The following RRP15 variants were observed in gnomAD, a reference collection of about 807,000 sequenced individuals.
RRP15 encodes the protein ribosomal RNA processing 15 homolog.
RRP15 carries 18 observed loss-of-function variants against 27.1 expected under a neutral mutation model. The ratio of observed to expected loss-of-function variants is 0.66; its 90% CI spans 0.46 to 0.98. The LOEUF (loss-of-function observed/expected upper bound fraction) is 0.98. RRP15 is among the 50% of genes least tolerant of loss of function. RRP15 has a pLI of 0.00. For synonymous variants in RRP15, 107 were observed against 109.4 expected, an observed-to-expected ratio of 0.98 and a Z score of 0.14; for missense variants, 359 against 337.8, an observed-to-expected ratio of 1.06 and a Z score of -0.49.
chr1:218,302,654 G>T, intron 2 of RRP15, 95 bp downstream of exon 2: 2 of 1,508,114 alleles, frequency 1.3e-6, no homozygotes, highest in Non-Finnish European at 8.8e-7. Context: ...ACCAATTAAC[G>T]TTCCAGTTTT....
chr1:218,324,848 A>C (rs1571809040), intron 4 of RRP15, among the ~76,000 whole-genome samples: 1 of 152,082 alleles, frequency 6.6e-6, no homozygotes, highest in Admixed American at 6.6e-5. Context: ...CATTGTCTTG[A>C]CTTTTCATAT....
rs889690833 is a variant in RRP15 at position 218,337,475 on chromosome 1, C to T, written c.*6384C>T. The T allele has an allele frequency of 6.6e-6, 1 of 152,116 alleles. No individual in the cohort carries two copies. The highest frequency in any genetic ancestry group is 1.5e-5 in the Non-Finnish European group (1 of 68,008). 9.4% of individuals were successfully genotyped at this position (152,116 alleles called of 1,614,324 possible). Reference sequence around the variant, plus strand: ...ATATGAGGACATTTACATAAACTATCGAACCACCAGTCTTCTGTCAATTCC... The same window carrying T: ...ATATGAGGACATTTACATAAACTATTGAACCACCAGTCTTCTGTCAATTCC... On this transcript the variant is annotated 3_prime_UTR_variant, in exon 5 of 5. Coordinates refer to ENST00000366932, the MANE Select transcript of RRP15 (RefSeq NM_016052.4).
In RRP15 at chr1:218,335,524, T is replaced by A. The variant is rs1656434974; in HGVS notation, c.*4433T>A. ...TGGAAATAATTTATGTCTGTGCTGT[T>A]CAATATGGTAGCCACTCGCAGAGGT... is the stretch of plus-strand genomic sequence containing the variant. On this transcript the variant is annotated 3_prime_UTR_variant, in exon 5 of 5. Coordinates refer to ENST00000366932, the MANE Select transcript of RRP15 (RefSeq NM_016052.4). 1 of 152,208 alleles carries A rather than the reference T, an allele frequency of 6.6e-6. No individual in the cohort carries two copies. Among genetic ancestry groups the A allele is most frequent in the Admixed American group, 6.5e-5 (1 of 15,272 alleles). 9.4% of individuals were successfully genotyped at this position (152,208 alleles called of 1,614,324 possible). A position where few individuals can be genotyped will look rare whatever the true frequency, so the allele number is the denominator to read the frequency against.
At chr1:218,323,333 A>G (rs754809623) in intron 4 of RRP15, among the ~76,000 whole-genome samples, 10 of 152,174 alleles carry the variant, frequency 6.6e-5, no homozygotes, top group Admixed American at 2.0e-4. Context: ...GAGCAAGATG[A>G]AGAGGAGCTT....
At chr1:218,306,377 A>G (rs537364914) in intron 3 of RRP15, among the ~76,000 whole-genome samples, 5 of 152,138 alleles carry the variant, frequency 3.3e-5, no homozygotes, top group Non-Finnish European at 5.9e-5. Flanking sequence ...TTGGGATTCT[A>G]TCACTTTTAT....
Position 218,332,831 on chromosome 1 carries a change from T to C in RRP15, c.*1740T>C, listed in dbSNP as rs1328171786. ...ATATCCTGCTATAACTTAATACAGA[T>C]ACATATTTCAATATGACTTAACAAA... On this transcript the variant is annotated 3_prime_UTR_variant, in exon 5 of 5. Transcript: ENST00000366932. 1 of 143,314 alleles carries C rather than the reference T, an allele frequency of 7.0e-6. No homozygotes were observed. The highest frequency in any genetic ancestry group is 7.1e-5 in the Admixed American group (1 of 14,020). 8.9% of individuals were successfully genotyped at this position (143,314 alleles called of 1,614,324 possible).
intron 4 of RRP15, among the ~76,000 whole-genome samples, chr1:218,325,334 A>C (rs941232127): frequency 6.6e-6 from 1 of 151,940 alleles, no homozygotes; most frequent in Non-Finnish European, 1.5e-5. Context: ...TCTCTATCCC[A>C]TGTTTTCTTC....
At chr1:218,312,019 A>C (rs11118078) in intron 4 of RRP15, among the ~76,000 whole-genome samples, 4,453 of 152,278 alleles carry the variant, frequency 0.029, 88 homozygotes, top group East Asian at 0.073. Context: ...CTGCAAGTCA[A>C]AGAATGCCAA....
At position 218,331,468 on chromosome 1, in the gene RRP15, A is replaced by C. The variant is rs1046880294; in HGVS notation, c.*377A>C. The C allele has an allele frequency of 6.5e-6, 1 of 154,358 alleles. No homozygotes were observed. The highest frequency in any genetic ancestry group is 1.4e-5 in the Non-Finnish European group (1 of 69,672). 9.6% of individuals were successfully genotyped at this position (154,358 alleles called of 1,614,324 possible). On this transcript the variant is annotated 3_prime_UTR_variant, in exon 5 of 5. Transcript: ENST00000366932. Reference sequence around the variant, plus strand: ...TGAAGTTAATATTTTTCTGCCTTCTAACTTATAGACTCAACTATGTATCTG... The same window carrying C: ...TGAAGTTAATATTTTTCTGCCTTCTCACTTATAGACTCAACTATGTATCTG...
intron 4 of RRP15, among the ~76,000 whole-genome samples, chr1:218,314,485 G>A (rs1656049599): frequency 6.6e-6 from 1 of 152,146 alleles, no homozygotes; most frequent in African/African-American, 2.4e-5. Context: ...GCCGACAGAA[G>A]CGGATGTGAT....
At position 218,333,830 on chromosome 1, in the gene RRP15, C is replaced by T. The variant is rs566545600; in HGVS notation, c.*2739C>T. 1 of 152,286 alleles carries T rather than the reference C, an allele frequency of 6.6e-6. No homozygotes were observed. Among genetic ancestry groups the T allele is most frequent in the Admixed American group, 6.5e-5 (1 of 15,286 alleles). The allele number at this position is 152,286 out of a possible 1,614,324, so 9.4% of individuals were successfully genotyped here. A position where few individuals can be genotyped will look rare whatever the true frequency, so the allele number is the denominator to read the frequency against. Reference sequence around the variant, plus strand: ...AATTTTTTAACGAGGGGAAAGAAAACTGCAATTCCTGCCTCCCCATTTATT... The same window carrying T: ...AATTTTTTAACGAGGGGAAAGAAAATTGCAATTCCTGCCTCCCCATTTATT... On this transcript the variant is annotated 3_prime_UTR_variant, in exon 5 of 5. Coordinates refer to ENST00000366932, the MANE Select transcript of RRP15 (RefSeq NM_016052.4).
At position 218,332,115 on chromosome 1, in the gene RRP15, A is replaced by G; in HGVS notation, c.*1024A>G. On this transcript the variant is annotated 3_prime_UTR_variant, in exon 5 of 5. Transcript: ENST00000366932. ...TCTCATGCTTAACTTATGCAATGAG[A>G]CAATTTCTCAGGAAGCAAGTTTGAC... 7.7e-6 allele frequency: 1 copy of G among 130,108 alleles called. No homozygotes were observed. Among genetic ancestry groups the G allele is most frequent in the Non-Finnish European group, 1.6e-5 (1 of 63,128 alleles). 8.1% of individuals were successfully genotyped at this position (130,108 alleles called of 1,614,324 possible).
intron 1 of RRP15, among the ~76,000 whole-genome samples, chr1:218,290,986 G>C (rs866301560): frequency 4.8e-5 from 7 of 145,810 alleles, no homozygotes; most frequent in African/African-American, 2.0e-4. Context: ...GAAAAAACTA[G>C]CTGGATATGG....
chr1:218,294,290 A>G (rs1391634378), intron 1 of RRP15, among the ~76,000 whole-genome samples: 1 of 152,284 alleles, frequency 6.6e-6, no homozygotes, highest in South Asian at 2.1e-4. Flanking sequence ...TTTCAACATT[A>G]TCTACCTGGA....
At chr1:218,294,283 C>T (rs939437422) in intron 1 of RRP15, among the ~76,000 whole-genome samples, 12 of 152,120 alleles carry the variant, frequency 7.9e-5, no homozygotes, top group Non-Finnish European at 1.8e-4. Context: ...CAATTCATTT[C>T]AACATTATCT....
rs1035211496 is a variant in RRP15, at chr1:218,337,565, T to C, written c.*6474T>C. 3.3e-5 allele frequency: 5 copies of C among 152,158 alleles called. No homozygotes were observed. The highest frequency in any genetic ancestry group is 9.7e-5 in the African/African-American group (4 of 41,430). 9.4% of individuals were successfully genotyped at this position (152,158 alleles called of 1,614,324 possible). Reference sequence around the variant, plus strand: ...GTCAATGATATGTTAACTGAAAAAGTAAGATTAAAAACATTATGGATAGTA... The same window carrying C: ...GTCAATGATATGTTAACTGAAAAAGCAAGATTAAAAACATTATGGATAGTA... On this transcript the variant is annotated 3_prime_UTR_variant, in exon 5 of 5. Coordinates refer to ENST00000366932, the MANE Select transcript of RRP15 (RefSeq NM_016052.4).
At chr1:218,297,641 G>A (rs866965951) in intron 1 of RRP15, among the ~76,000 whole-genome samples, 14 of 152,198 alleles carry the variant, frequency 9.2e-5, no homozygotes, top group Middle Eastern at 3.4e-3. Flanking sequence ...CGTTTTTACC[G>A]GGAGTTCTGT....
chr1:218,304,177 A>T (rs1297926805), intron 2 of RRP15, among the ~76,000 whole-genome samples: 1 of 152,230 alleles, frequency 6.6e-6, no homozygotes, highest in Non-Finnish European at 1.5e-5. Flanking sequence ...TGAGAAATAG[A>T]AGAGTAAAGG....
chr1:218,296,355 T>C (rs1280968517), intron 1 of RRP15, among the ~76,000 whole-genome samples: 1 of 152,066 alleles, frequency 6.6e-6, no homozygotes, highest in African/African-American at 2.4e-5. Context: ...AAGCAACTCA[T>C]AGAAATGTTG....
Sources: gnomAD v4.1 joint callset for allele counts (sites outside exome capture counted in the v4.1 genomes callset) on GRCh38, gnomAD v4.1.1 for gene constraint, MANE v1.5 for transcripts, NCBI Gene and HGNC (gene_info 2026-07-23, HGNC 2026-07-21) for gene names.